The following NRXN3 variants were observed in gnomAD, a reference collection of about 807,000 sequenced individuals.
The protein encoded by NRXN3 is neurexin III.
Under a neutral mutation model 137.6 loss-of-function variants are expected in NRXN3, and 32 were observed. The ratio of observed to expected loss-of-function variants is 0.23; its 90% CI spans 0.18 to 0.31. The LOEUF is 0.31. NRXN3 is among the 10% of genes least tolerant of loss of function. NRXN3 has a pLI of 1.00. For missense variants in NRXN3, 1,574 were observed against 2,062.5 expected (o/e 0.76, Z 4.59); for synonymous variants, 798 against 784.5 (o/e 1.02, Z -0.29).
intron 15 of NRXN3, among the ~76,000 whole-genome samples, chr14:79,061,908 C>G (rs1379901366): frequency 1.3e-5 from 2 of 152,114 alleles, no homozygotes; most frequent in Non-Finnish European, 2.9e-5. Flanking sequence ...TTTACCTGTA[C>G]TAATTTATCA....
At chr14:78,833,927 CT>C (rs1283836158) in intron 10 of NRXN3, among the ~76,000 whole-genome samples, 1 of 152,166 alleles carries the variant, frequency 6.6e-6, no homozygotes, top group African/African-American at 2.4e-5. Flanking sequence ...AACAAGACAG[CT>C]TATATTTTAG....
chr14:79,302,251 G>A (rs963479967), intron 15 of NRXN3, among the ~76,000 whole-genome samples: 1 of 151,970 alleles, frequency 6.6e-6, no homozygotes, highest in Admixed American at 6.6e-5. Context: ...CTATGCCCAG[G>A]TGTGTTAGTC....
chr14:79,209,233 C>T (rs188429165), intron 15 of NRXN3, among the ~76,000 whole-genome samples: 19 of 151,974 alleles, frequency 1.3e-4, no homozygotes, highest in African/African-American at 3.6e-4. Context: ...CCACTGCGCC[C>T]GGTGTGAAAA....
At chr14:79,718,383 G>A (rs562741922) in intron 19 of NRXN3, among the ~76,000 whole-genome samples, 1 of 152,348 alleles carries the variant, frequency 6.6e-6, no homozygotes, top group Admixed American at 6.5e-5. Flanking sequence ...GACAGGGCCT[G>A]TTTGGCTGTG....
At chr14:78,386,205 G>GT in intron 4 of NRXN3, among the ~76,000 whole-genome samples, 1 of 152,260 alleles carries the variant, frequency 6.6e-6, no homozygotes, top group Middle Eastern at 3.4e-3. Context: ...GATTTTCAGA[G>GT]TTAATTGAGT....
At chr14:79,750,747 T>C (rs971797000) in intron 19 of NRXN3, among the ~76,000 whole-genome samples, 2 of 152,144 alleles carry the variant, frequency 1.3e-5, no homozygotes, top group South Asian at 2.1e-4. Context: ...AAAATACTTC[T>C]GTGGAGTCGC....
chr14:78,704,035 A>T (rs1350009057), intron 6 of NRXN3, among the ~76,000 whole-genome samples: 1 of 152,208 alleles, frequency 6.6e-6, no homozygotes. Context: ...AACACGTGGA[A>T]ACACATTCTC....
intron 16 of NRXN3, among the ~76,000 whole-genome samples, chr14:79,544,844 G>C (rs974444471): frequency 4.6e-5 from 7 of 152,170 alleles, no homozygotes; most frequent in African/African-American, 1.7e-4. Context: ...CTGGGACTGA[G>C]TCCTAGCAAT....
intron 6 of NRXN3, among the ~76,000 whole-genome samples, chr14:78,665,837 A>G (rs2097881055): frequency 6.6e-6 from 1 of 152,136 alleles, no homozygotes; most frequent in African/African-American, 2.4e-5. Flanking sequence ...AGGGCTGGAT[A>G]TGTTGCTTTT....
chr14:79,278,560 C>A (rs981162123), intron 15 of NRXN3, among the ~76,000 whole-genome samples: 1 of 152,238 alleles, frequency 6.6e-6, no homozygotes, highest in African/African-American at 2.4e-5. Flanking sequence ...GCAGCCAGTT[C>A]CGGACAGGCG....
At chr14:79,338,737 C>A (rs1029380721) in intron 15 of NRXN3, among the ~76,000 whole-genome samples, 7 of 152,088 alleles carry the variant, frequency 4.6e-5, no homozygotes, top group African/African-American at 1.7e-4. Context: ...TTAGATGAAT[C>A]ATATTTAAAT....
intron 4 of NRXN3, among the ~76,000 whole-genome samples, chr14:78,497,600 A>G (rs1364746195): frequency 6.6e-6 from 1 of 151,812 alleles, no homozygotes; most frequent in Non-Finnish European, 1.5e-5. Context: ...CCATCCATCC[A>G]TCCATCCATC....
At chr14:79,455,663 T>C (rs1354645174) in intron 15 of NRXN3, among the ~76,000 whole-genome samples, 1 of 152,138 alleles carries the variant, frequency 6.6e-6, no homozygotes, top group Non-Finnish European at 1.5e-5. Flanking sequence ...TATATTGCTT[T>C]AAAGTTGTAC....
In NRXN3 at chr14:79,178,052, G is replaced by A. The variant is rs75191994; in HGVS notation, c.3262+189911G>A. On this transcript the variant is annotated intron_variant, in intron 15 of 20. Transcript: ENST00000335750. ...ATAGAGAAGAGGGACAAAGAGAGAG[G>A]TGCTCCATTGGTATCCTCAACCTGT... is the stretch of plus-strand genomic sequence containing the variant. 4.3e-3 allele frequency among the ~76,000 whole-genome samples: 652 copies of A among 152,310 alleles called. 4 individuals carry two copies. Among genetic ancestry groups the A allele is most frequent in the African/African-American group, 0.015 (610 of 41,572 alleles).
At chr14:78,249,291 A>G (rs1315063255) in intron 2 of NRXN3, among the ~76,000 whole-genome samples, 1 of 152,204 alleles carries the variant, frequency 6.6e-6, no homozygotes, top group Non-Finnish European at 1.5e-5. Context: ...TCAGGCAGAC[A>G]TTTTGCCAGG....
At chr14:78,262,542 G>A (rs1053515135) in intron 2 of NRXN3, among the ~76,000 whole-genome samples, 9 of 152,132 alleles carry the variant, frequency 5.9e-5, no homozygotes, top group African/African-American at 1.2e-4. Flanking sequence ...TAGCTGCACC[G>A]TGTGGCTCCC....
intron 15 of NRXN3, among the ~76,000 whole-genome samples, chr14:79,155,169 C>T (rs1007974810): frequency 6.6e-6 from 1 of 152,010 alleles, no homozygotes; most frequent in African/African-American, 2.4e-5. Context: ...GGAGCATCCT[C>T]CTGAAGCTGG....
At chr14:79,051,170 T>G (rs926469222) in intron 15 of NRXN3, among the ~76,000 whole-genome samples, 6 of 152,144 alleles carry the variant, frequency 3.9e-5, no homozygotes, top group African/African-American at 1.2e-4. Flanking sequence ...GTAATTGCTC[T>G]GACCTATCTC....
chr14:78,372,320 A>G (rs1197488065), intron 4 of NRXN3, among the ~76,000 whole-genome samples: 1 of 147,036 alleles, frequency 6.8e-6, no homozygotes, highest in Non-Finnish European at 1.5e-5. Flanking sequence ...TATTATTATT[A>G]TACTTTAAGT....
Sources: allele counts gnomAD v4.1 joint callset (sites outside exome capture counted in the v4.1 genomes callset), GRCh38; gene constraint gnomAD v4.1.1; transcripts MANE v1.5; gene names NCBI Gene and HGNC (gene_info 2026-07-23, HGNC 2026-07-21).